Variants in KMT2C observed in about 807,000 individuals in gnomAD.
KMT2C encodes the protein lysine methyltransferase 2C.
Under a neutral mutation model 507.9 loss-of-function variants are expected in KMT2C, and 88 were observed. The ratio of observed to expected loss-of-function variants is 0.17; its 90% confidence interval spans 0.15 to 0.21. The LOEUF is 0.21. Among genes scored for constraint, KMT2C ranks in the 10% least tolerant of loss-of-function variants. KMT2C has a pLI of 1.00. For missense variants in KMT2C, 4,954 were observed against 5,957.8 expected (o/e 0.83, Z 5.55); for synonymous variants, 2,049 against 2,080.8 (o/e 0.98, Z 0.42).
At chr7:152,340,919 T>C (rs1186288874) in intron 2 of KMT2C, among the ~76,000 whole-genome samples, 1 of 152,198 alleles carries the variant, frequency 6.6e-6, no homozygotes, top group Non-Finnish European at 1.5e-5. Flanking sequence ...ATAGTAACTG[T>C]TGGAAGTCAA....
rs2094464827 is a variant in KMT2C, at chr7:152,211,975, G to A, written c.3713-4547C>T. Reference sequence around the variant, plus strand: ...AGGCAAGAGAATGGCACGAACCTGGGAGGCAGAGCTTGCAGTGAGCCGAGA... The same window carrying A: ...AGGCAAGAGAATGGCACGAACCTGGAAGGCAGAGCTTGCAGTGAGCCGAGA... On this transcript the variant is annotated intron_variant, in intron 23 of 58. Coordinates refer to ENST00000262189, the MANE Select transcript of KMT2C (RefSeq NM_170606.3). Among the ~76,000 whole-genome samples, 3 of 152,182 alleles carry A rather than the reference G, an allele frequency of 2.0e-5. No homozygotes were observed. The South Asian group carries it at 6.2e-4, about 32-fold the overall frequency.
intron 2 of KMT2C, among the ~76,000 whole-genome samples, chr7:152,353,085 T>TA (rs1370509053): frequency 6.6e-6 from 1 of 152,126 alleles, no homozygotes; most frequent in African/African-American, 2.4e-5. Context: ...TTTATTCATA[T>TA]AAAAAAAATG....
At chr7:152,153,816 G>A (rs2091844508) in intron 48 of KMT2C, among the ~76,000 whole-genome samples, 194 bp downstream of exon 48, 1 of 151,362 alleles carries the variant, frequency 6.6e-6, no homozygotes. Flanking sequence ...TTTACTTGAC[G>A]TAGGCTGAGA....
chr7:152,170,807 T>C lies in KMT2C; in HGVS notation c.9453+457A>G, dbSNP rs76323477. Among the ~76,000 whole-genome samples the C allele has an allele frequency of 7.8e-3, 1,194 of 152,290 alleles. 12 individuals are homozygous for C. Among genetic ancestry groups the C allele is most frequent in the African/African-American group, 0.028 (1,159 of 41,560 alleles). The stretch of plus-strand genomic sequence containing the variant: ...TGAGCCACCGTGCCCAGCCATTTTC[T>C]AGTATTTATAGAAGTTTTACATTTT... On this transcript the variant is annotated intron_variant, in intron 40 of 58. Transcript: ENST00000262189.
Position 152,199,422 on chromosome 7 carries a change from C to T in KMT2C, c.4130G>A (p.Arg1377Lys), listed in dbSNP as rs2129133137. 6.4e-7 allele frequency: 1 copy of T among 1,574,534 alleles called. No individual in the cohort carries two copies. The change falls in exon 27 of 59, where the codon AGA becomes AAA. Residue 1377 changes from arginine to lysine, a missense_variant. Arg to Lys is a conservative substitution (Grantham distance 26). Around this residue, in one of 29 missense-constraint regions of KMT2C, gnomAD observed 140 missense variants for 118.4 expected, o/e 1.18. Coordinates refer to ENST00000262189, the MANE Select transcript of KMT2C (RefSeq NM_170606.3). ...ATTATCTAAACTTATCTTGCTTTGT[C>T]TACTTGTATCTAGAAGATCTTTTCC... The part of the protein sequence containing the change: ...FFGKDLLDTS[R>K]QSKISLDNLS...
chr7:152,339,542 T>G (rs997694257), intron 2 of KMT2C, among the ~76,000 whole-genome samples: 1 of 152,254 alleles, frequency 6.6e-6, no homozygotes, highest in Non-Finnish European at 1.5e-5. Flanking sequence ...TTCAATGCAA[T>G]TGTTTATCTT....
chr7:152,359,384 A>C lies in KMT2C; in HGVS notation c.162-709T>G, dbSNP rs552164360. On this transcript the variant is annotated intron_variant, in intron 1 of 58. Transcript: ENST00000262189. ...AGAAAAATTAATAACACATAAGAGC[A>C]ACAAGATATTACACATAAAAACTTG... is the stretch of plus-strand genomic sequence containing the variant. Among the ~76,000 whole-genome samples, 7 of 152,252 alleles carry C rather than the reference A, an allele frequency of 4.6e-5. No homozygotes were observed. The South Asian group carries it at 1.4e-3, about 32-fold the overall frequency.
chr7:152,316,730 T>C (rs1365682516), intron 3 of KMT2C, among the ~76,000 whole-genome samples: 1 of 152,150 alleles, frequency 6.6e-6, no homozygotes, highest in Admixed American at 6.5e-5. Context: ...TTTATCAAAA[T>C]TAGCTTTGTT....
Position 152,139,801 on chromosome 7 carries a change from A to G in KMT2C, c.14344-10T>C, listed in dbSNP as rs190310117. 207 of 1,591,648 alleles carry G rather than the reference A, an allele frequency of 1.3e-4. 1 individual carries two copies. Among genetic ancestry groups the G allele is most frequent in the Non-Finnish European group, 1.7e-4 (198 of 1,159,896 alleles). On this transcript the variant is annotated splice_polypyrimidine_tract_variant and intron_variant, in intron 55 of 58. Coordinates refer to ENST00000262189, the MANE Select transcript of KMT2C (RefSeq NM_170606.3). The stretch of plus-strand genomic sequence containing the variant: ...CATACAGGCCCAGCCCCTAAAAAAA[A>G]GTGTGTACATACTTCCAATTTATGT...
rs561605027 is a variant in KMT2C at position 152,413,942 on chromosome 7, T to C, written c.161+21684A>G. Among the ~76,000 whole-genome samples, 885 of 150,620 alleles carry C rather than the reference T, an allele frequency of 5.9e-3. 12 individuals are homozygous for C. The highest frequency in any genetic ancestry group is 0.02 in the African/African-American group (829 of 40,768). ...AGAAAATGTATGAGGCCAGACGCGA[T>C]GGCTCATGCCTGTAATCCCAACTCT... On this transcript the variant is annotated intron_variant, in intron 1 of 58. Coordinates refer to ENST00000262189, the MANE Select transcript of KMT2C (RefSeq NM_170606.3).
intron 1 of KMT2C, among the ~76,000 whole-genome samples, chr7:152,375,997 G>C (rs1289085209): frequency 6.6e-6 from 1 of 151,996 alleles, no homozygotes; most frequent in African/African-American, 2.4e-5. Context: ...ATTTTTTATA[G>C]AGATGGGGTG....
intron 42 of KMT2C, 124 bp from the exon 43 acceptor site, chr7:152,163,950 T>C (rs2092593407): frequency 2.4e-6 from 2 of 837,160 alleles, no homozygotes; most frequent in Non-Finnish European, 3.8e-6. Context: ...GCAAACATAT[T>C]TTGCTTGGGT....
intron 1 of KMT2C, among the ~76,000 whole-genome samples, chr7:152,381,784 A>C (rs2097376343): frequency 6.6e-6 from 1 of 152,178 alleles, no homozygotes; most frequent in Non-Finnish European, 1.5e-5. Flanking sequence ...AAAAGCTTTG[A>C]GTGATGTTTG....
intron 6 of KMT2C, among the ~76,000 whole-genome samples, chr7:152,274,844 A>C (rs1006837545): frequency 1.1e-3 from 164 of 152,234 alleles, no homozygotes; most frequent in Non-Finnish European, 2.1e-3. Flanking sequence ...TTGAGGCACC[A>C]TACTATCTTT....
chr7:152,364,508 C>T (rs1464022559), intron 1 of KMT2C, among the ~76,000 whole-genome samples: 1 of 151,106 alleles, frequency 6.6e-6, no homozygotes, highest in Admixed American at 6.6e-5. Flanking sequence ...ATTTGGGAGG[C>T]TGAGGCAGGA....
intron 6 of KMT2C, among the ~76,000 whole-genome samples, chr7:152,307,179 GGAAGGAAAGAAGAGGGAGGAAGGA>G: frequency 6.9e-6 from 1 of 143,928 alleles, no homozygotes; most frequent in Non-Finnish European, 1.5e-5. Context: ...AGAAGAGGAA[GGAAGGAAAGAAGAGGGAGGAAGGA>G]AGGAAGGAAG....
rs531510407 is a variant in KMT2C at position 152,213,664 on chromosome 7, T to C, written c.3713-6236A>G. On this transcript the variant is annotated intron_variant, in intron 23 of 58. Coordinates refer to ENST00000262189, the MANE Select transcript of KMT2C (RefSeq NM_170606.3). ...TTGATATCCTCCTTGACAATGATTT[T>C]TTGGATATCACACCAAAAGCTCAGG... Among the ~76,000 whole-genome samples, 1,101 of 152,162 alleles carry C rather than the reference T, an allele frequency of 7.2e-3. 9 individuals carry two copies. The highest frequency in any genetic ancestry group is 0.013 in the Non-Finnish European group (854 of 67,988).
chr7:152,318,143 CAAAT>C (rs916834397), intron 3 of KMT2C, among the ~76,000 whole-genome samples: 5 of 150,850 alleles, frequency 3.3e-5, no homozygotes, highest in African/African-American at 1.2e-4. Flanking sequence ...ACCTCAAAAA[CAAAT>C]AAAAGAAAGA....
At chr7:152,271,695 AC>A (rs1220239593) in intron 7 of KMT2C, among the ~76,000 whole-genome samples, 15 of 147,946 alleles carry the variant, frequency 1.0e-4, no homozygotes, top group African/African-American at 1.7e-4. Flanking sequence ...AAAAAAAAAA[AC>A]CCCAAAGAAA....
Sources: allele counts gnomAD v4.1 joint callset (sites outside exome capture counted in the v4.1 genomes callset), GRCh38; gene constraint gnomAD v4.1.1; regional missense constraint gnomAD v4.1.1; transcripts MANE v1.5; gene names NCBI Gene and HGNC (gene_info 2026-07-23, HGNC 2026-07-21).